Variants in SAAL1 observed in about 807,000 individuals in gnomAD.
The protein encoded by SAAL1 is protein SAAL1.
SAAL1 carries 42 observed loss-of-function variants against 59.8 expected under a neutral mutation model. The observed-to-expected ratio is 0.70, with a 90% CI of 0.55 to 0.91. The LOEUF (loss-of-function observed/expected upper bound fraction) is 0.91. Ranked by LOEUF, SAAL1 falls within the 40% of genes least tolerant of loss-of-function variation. The pLI is 0.00. For missense variants in SAAL1, 542 were observed against 561.1 expected (o/e 0.97, Z 0.34); for synonymous variants, 191 against 194.3 (o/e 0.98, Z 0.14).
intron 3 of SAAL1, among the ~76,000 whole-genome samples, chr11:18,094,855 A>G (rs1168505585): frequency 6.6e-6 from 1 of 152,178 alleles, no homozygotes. Context: ...CTAAAGAGGG[A>G]ATAACTGAAC....
At position 18,086,958 on chromosome 11, in the gene SAAL1, TGAA is replaced by T. The variant is rs774033029; in HGVS notation, c.947_949del (p.Leu316del). On this transcript the variant is annotated inframe_deletion, in exon 9 of 12. Transcript: ENST00000524803. The stretch of plus-strand genomic sequence containing the variant: ...AGAGGCTAGCACTGTTTTCTGTTCT[TGAA>T]GAATGATGGGTGGATCATCAGACTG... 59 of 1,614,016 alleles carry T rather than the reference TGAA, an allele frequency of 3.7e-5. No individual in the cohort carries two copies. The East Asian group carries it at 1.3e-3, about 35-fold the overall frequency.
chr11:18,090,618 T>C, intron 4 of SAAL1, 125 bp from the exon 5 acceptor site: 2 of 1,013,572 alleles, frequency 2.0e-6, no homozygotes, highest in Non-Finnish European at 1.4e-6. Context: ...GCTCAAAAGA[T>C]ACAAATCTAT....
At position 18,083,582 on chromosome 11, in the gene SAAL1, C is replaced by T. The variant is rs1848432524; in HGVS notation, c.1192G>A (p.Asp398Asn). Residue 398 changes from aspartate to asparagine, a missense_variant, in exon 10 of 12, where the codon GAT becomes AAT. Asp to Asn is a conservative substitution (Grantham distance 23). Coordinates refer to ENST00000524803, the MANE Select transcript of SAAL1 (RefSeq NM_138421.3). ...QDDFHLKILKDILCEFLSNIF... is the reference protein window; with the variant it reads ...QDDFHLKILKNILCEFLSNIF... Reference sequence around the variant, plus strand: ...TTAGAAAGAAATTCACATAAAATATCCTTTAAGATTTTCAAGTGGAAATCA... The same window carrying T: ...TTAGAAAGAAATTCACATAAAATATTCTTTAAGATTTTCAAGTGGAAATCA... The T allele has an allele frequency of 6.3e-7, 1 of 1,594,924 alleles. No homozygotes were observed. Among genetic ancestry groups the T allele is most frequent in the Admixed American group, 1.7e-5 (1 of 59,768 alleles).
rs568740743 is a variant in SAAL1, at chr11:18,091,137, C to A, written c.414-644G>T. ...GGGGCTATTTCAAGCAATCCTCCTA[C>A]AATATTTGTTAAGAGTTATCCTGAT... On this transcript the variant is annotated intron_variant, in intron 4 of 11. Transcript: ENST00000524803. Among the ~76,000 whole-genome samples the A allele has an allele frequency of 1.1e-4, 16 of 152,316 alleles. No homozygotes were observed. The South Asian group carries it at 2.5e-3, about 24-fold the overall frequency.
At chr11:18,091,490 T>A (rs1327149674) in intron 4 of SAAL1, among the ~76,000 whole-genome samples, 5 of 152,050 alleles carry the variant, frequency 3.3e-5, no homozygotes, top group African/African-American at 1.2e-4. Context: ...CAACTAGGAG[T>A]TCTCTCTTTC....
At position 18,083,602 on chromosome 11, in the gene SAAL1, A is replaced by C. The variant is rs758493304; in HGVS notation, c.1172T>G (p.Phe391Cys). 1.9e-6 allele frequency: 3 copies of C among 1,604,260 alleles called. No individual in the cohort carries two copies. Among genetic ancestry groups the C allele is most frequent in the Non-Finnish European group, 2.6e-6 (3 of 1,171,588 alleles). Reference protein sequence around the residue: ...TKRTDLTQDDFHLKILKDILC... With the variant: ...TKRTDLTQDDCHLKILKDILC... The stretch of plus-strand genomic sequence containing the variant: ...AATATCCTTTAAGATTTTCAAGTGG[A>C]AATCATCTTGGGTTAAATCAGTCCT... Residue 391 changes from phenylalanine (F) to cysteine (C), a missense_variant, in exon 10 of 12, where the codon TTC becomes TGC. Coordinates refer to ENST00000524803, the MANE Select transcript of SAAL1 (RefSeq NM_138421.3).
At chr11:18,091,653 A>G (rs140762583) in intron 4 of SAAL1, among the ~76,000 whole-genome samples, 13 of 152,342 alleles carry the variant, frequency 8.5e-5, no homozygotes, top group African/African-American at 2.9e-4. Flanking sequence ...GAAAACTAAT[A>G]CACTCACAAA....
At chr11:18,099,096 C>G (rs1848605664) in intron 2 of SAAL1, among the ~76,000 whole-genome samples, 1 of 152,126 alleles carries the variant, frequency 6.6e-6, no homozygotes, top group Non-Finnish European at 1.5e-5. Context: ...CTGATTTGAG[C>G]CTATGGTCTT....
chr11:18,097,533 C>T (rs1028401033), intron 2 of SAAL1, among the ~76,000 whole-genome samples: 3 of 152,058 alleles, frequency 2.0e-5, no homozygotes, highest in Non-Finnish European at 2.9e-5. Flanking sequence ...AAACTAGAAG[C>T]GGGGGACAAG....
intron 3 of SAAL1, 111 bp downstream of exon 3, chr11:18,096,660 T>C (rs1361298655): frequency 1.5e-6 from 1 of 685,638 alleles, no homozygotes; most frequent in Non-Finnish European, 2.6e-6. Flanking sequence ...ACAGGCTGAT[T>C]TGTTGATTTA....
At chr11:18,081,579 G>A (rs1848410261) in intron 10 of SAAL1, 76 bp from the exon 11 acceptor site, 1 of 1,076,504 alleles carries the variant, frequency 9.3e-7, no homozygotes, top group Non-Finnish European at 1.4e-6. Context: ...AACAAATCAG[G>A]ATATTCAATT....
intron 10 of SAAL1, among the ~76,000 whole-genome samples, chr11:18,081,890 A>G (rs553519432): frequency 6.6e-6 from 1 of 152,266 alleles, no homozygotes; most frequent in East Asian, 1.9e-4. Context: ...ATTCTTGAAG[A>G]TTACCAACCA....
intron 2 of SAAL1, among the ~76,000 whole-genome samples, chr11:18,097,343 T>C (rs17474534): frequency 0.053 from 8,027 of 152,132 alleles, 254 homozygotes; most frequent in Middle Eastern, 0.13. Context: ...AGAGAGTCTT[T>C]ATGGTAACTA....
Position 18,089,381 on chromosome 11 carries a change from T to C in SAAL1, c.719A>G (p.Gln240Arg). 1 of 1,600,758 alleles carries C rather than the reference T, an allele frequency of 6.2e-7. No individual in the cohort carries two copies. Among genetic ancestry groups the C allele is most frequent in the Non-Finnish European group, 8.5e-7 (1 of 1,176,190 alleles). Residue 240 changes from glutamine to arginine, a missense_variant, in exon 7 of 12, where the codon CAG (glutamine) becomes CGG (arginine). Transcript: ENST00000524803. The part of the protein sequence containing the change: ...LDQPQEESEE[Q>R]PVFRLVPCIL... ...ACAGGGCACAAGCCGAAACACTGGCTGCTCTTCAGACTCTTCCTGGGGTTG... is the reference window on the plus strand; with the variant it reads ...ACAGGGCACAAGCCGAAACACTGGCCGCTCTTCAGACTCTTCCTGGGGTTG...
At chr11:18,085,658 C>T (rs1043804607) in intron 9 of SAAL1, among the ~76,000 whole-genome samples, 2 of 152,056 alleles carry the variant, frequency 1.3e-5, no homozygotes, top group African/African-American at 4.8e-5. Flanking sequence ...GAGGAATTTG[C>T]CTTATTAGGT....
At position 18,090,457 on chromosome 11, in the gene SAAL1, T is replaced by C; in HGVS notation, c.450A>G (p.Pro150=). 1 of 1,610,248 alleles carries C rather than the reference T, an allele frequency of 6.2e-7. No homozygotes were observed. The highest frequency in any genetic ancestry group is 8.5e-7 in the Non-Finnish European group (1 of 1,179,106). ...VLLHCLYDSD[P]PTLLETSRLL... is the part of the protein sequence containing the mutation. The stretch of plus-strand genomic sequence containing the variant: ...ACCTGCTTGTTTCCAGCAGAGTAGG[T>C]GGGTCTGAATCATACAAACAGTGCA... Residue 150 remains proline, a synonymous_variant, in exon 5 of 12, where the codon CCA becomes CCG. Transcript: ENST00000524803.
chr11:18,083,124 G>A (rs11024470), intron 10 of SAAL1: 70,160 of 152,848 alleles, frequency 0.46, 17,728 homozygotes, highest in African/African-American at 0.67. Context: ...CAGGGAGAAT[G>A]TTCCTTAAAA....
intron 7 of SAAL1, among the ~76,000 whole-genome samples, chr11:18,088,450 G>A (rs562212565): frequency 6.6e-6 from 1 of 152,166 alleles, no homozygotes; most frequent in Non-Finnish European, 1.5e-5. Context: ...AGTGAAATGA[G>A]TGCGTACTTT....
At chr11:18,103,904 A>T (rs1272643610) in intron 1 of SAAL1, among the ~76,000 whole-genome samples, 1 of 152,158 alleles carries the variant, frequency 6.6e-6, no homozygotes, top group Non-Finnish European at 1.5e-5. Flanking sequence ...TTGCTTTGTA[A>T]ACATTTATTC....
Sources: allele counts gnomAD v4.1 joint callset (sites outside exome capture counted in the v4.1 genomes callset), GRCh38; gene constraint gnomAD v4.1.1; transcripts MANE v1.5; gene names NCBI Gene and HGNC (gene_info 2026-07-23, HGNC 2026-07-21).